The following AKR1B15 variants were observed in gnomAD, a reference collection of about 807,000 sequenced individuals.
The protein encoded by AKR1B15 is estradiol 17-beta-dehydrogenase AKR1B15.
A neutral mutation model predicts 38.5 loss-of-function variants in AKR1B15; 49 were observed. The ratio of observed to expected loss-of-function variants is 1.27; its 90% CI spans 1.01 to 1.62. The LOEUF is 1.62. Among genes scored for constraint, AKR1B15 ranks in the 40% most tolerant of loss-of-function variants. The probability of loss-of-function intolerance (pLI) is 0.00; values close to 1 mark genes in which losing one functional copy is unlikely to be tolerated. For missense variants in AKR1B15, 411 were observed against 381.6 expected, an observed-to-expected ratio of 1.08 and a Z score of -0.64; for synonymous variants, 137 against 135.5, an observed-to-expected ratio of 1.01 and a Z score of -0.08.
At position 134,579,491 on chromosome 7, in the gene AKR1B15, T is replaced by TTCTC. The variant is rs571809496; in HGVS notation, c.993-8_993-5dup. 2 of 1,565,650 alleles carry TTCTC rather than the reference T, an allele frequency of 1.3e-6. No homozygotes were observed. The highest frequency in any genetic ancestry group is 2.8e-5 in the African/African-American group (2 of 71,420). ...GATGGAACACAGTTTCTTTTTTTTTTTCTCTCTCTCTGTAGATTCTCTCAT... is the reference window on the plus strand; with the variant it reads ...GATGGAACACAGTTTCTTTTTTTTTTTCTCTCTCTCTCTCTGTAGATTCTCTCAT... On this transcript the variant is annotated splice_polypyrimidine_tract_variant and intron_variant, in intron 11 of 11. Transcript: ENST00000457545.
At chr7:134,549,587 G>A (rs568447079) in intron 1 of AKR1B15, among the ~76,000 whole-genome samples, 1 of 152,124 alleles carries the variant, frequency 6.6e-6, no homozygotes, top group African/African-American at 2.4e-5. Flanking sequence ...CTGTGGTTCC[G>A]TGGTGACCTC....
chr7:134,573,520 A>ACGAG, intron 6 of AKR1B15: 1 of 985,418 alleles, frequency 1.0e-6, no homozygotes, highest in Non-Finnish European at 1.2e-6. Context: ...CTGATTTGAA[A>ACGAG]CGAGCATGCT....
Position 134,569,393 on chromosome 7 carries a change from C to A in AKR1B15, c.319-20C>A, listed in dbSNP as rs780571080. On this transcript the variant is annotated intron_variant, in intron 4 of 11. Coordinates refer to ENST00000457545, the MANE Select transcript of AKR1B15 (RefSeq NM_001080538.3). Reference sequence around the variant, plus strand: ...CTTCCTTTTCCCAGTATTACTAGCTCATTGCTACACTCTTTGCAGGTGTGG... The same window carrying A: ...CTTCCTTTTCCCAGTATTACTAGCTAATTGCTACACTCTTTGCAGGTGTGG... 3.4e-5 allele frequency: 55 copies of A among 1,613,204 alleles called. No individual in the cohort carries two copies. In the South Asian group the frequency reaches 5.9e-4, roughly 17 times the overall value.
At chr7:134,549,970 G>C (rs761940657) in intron 1 of AKR1B15, among the ~76,000 whole-genome samples, 1 of 152,122 alleles carries the variant, frequency 6.6e-6, no homozygotes, top group Middle Eastern at 3.2e-3. Flanking sequence ...AACAAATTAG[G>C]TGTTGTTATG....
In AKR1B15 at chr7:134,576,369, C is replaced by T; in HGVS notation, c.764C>T (p.Ser255Phe). The change falls in exon 9 of 12, where the codon TCC becomes TTC. Residue 255 changes from serine to phenylalanine, a missense_variant. Transcript: ENST00000457545. ...DRPWAKPEDP[S>F]LLEDPKIKEI... The stretch of plus-strand genomic sequence containing the variant: ...CCTAGGGCCAAACCTGAGGACCCTT[C>T]CCTGCTGGAGGATCCCAAGATTAAG... The T allele has an allele frequency of 1.2e-6, 2 of 1,614,116 alleles. No homozygotes were observed. Among genetic ancestry groups the T allele is most frequent in the Non-Finnish European group, 1.7e-6 (2 of 1,179,990 alleles).
At position 134,550,836 on chromosome 7, in the gene AKR1B15, C is replaced by T. The variant is rs188994987; in HGVS notation, c.-147+1587C>T. On this transcript the variant is annotated intron_variant, in intron 1 of 11. Coordinates refer to ENST00000457545, the MANE Select transcript of AKR1B15 (RefSeq NM_001080538.3). ...AAAAAGGCAAACTCTGGACACTCTG[C>T]GAAGTAGAATGGCCAAAGTTTGGAA... 5.0e-3 allele frequency among the ~76,000 whole-genome samples: 768 copies of T among 152,256 alleles called. 11 individuals are homozygous for T. Among genetic ancestry groups the T allele is most frequent in the African/African-American group, 0.018 (729 of 41,550 alleles).
At chr7:134,573,328 G>A (rs943434797) in intron 6 of AKR1B15, 5 of 977,694 alleles carry the variant, frequency 5.1e-6, no homozygotes, top group Middle Eastern at 5.2e-4. Context: ...ATAGCACCAG[G>A]CTGTTTGCAT....
At chr7:134,558,783 T>A (rs1431979806) in intron 2 of AKR1B15, among the ~76,000 whole-genome samples, 1 of 152,132 alleles carries the variant, frequency 6.6e-6, no homozygotes, top group Non-Finnish European at 1.5e-5. Context: ...CCTCAAAAAT[T>A]ATATACTTGG....
chr7:134,562,834 CTT>C (rs1554402370), intron 2 of AKR1B15, among the ~76,000 whole-genome samples: 408 of 25,402 alleles, frequency 0.016, 4 homozygotes, highest in African/African-American at 0.07. Flanking sequence ...CTTCCTTTCT[CTT>C]TCTTTCTTTC....
At position 134,564,669 on chromosome 7, in the gene AKR1B15, A is replaced by T. The variant is rs867303267; in HGVS notation, c.50A>T (p.Gln17Leu). The T allele has an allele frequency of 2.4e-5, 17 of 699,108 alleles. No individual in the cohort carries two copies. In the African/African-American group the frequency reaches 2.8e-4, roughly 12 times the overall value. The allele number at this position is 699,108 out of a possible 1,614,324, so 43.3% of individuals were successfully genotyped here. Residue 17 changes from glutamine to leucine, a missense_variant, in exon 3 of 12, where the codon CAA becomes CTA. Coordinates refer to ENST00000457545, the MANE Select transcript of AKR1B15 (RefSeq NM_001080538.3). ...GTGAACTCAACTAACAACTTCCACC[A>T]AGGACCCCTGGACCAACCCGTTGGC... ...PQVNSTNNFH[Q>L]GPLDQPVGPL...
chr7:134,568,429 G>C, intron 4 of AKR1B15, 104 bp downstream of exon 4: 3 of 1,478,686 alleles, frequency 2.0e-6, no homozygotes, highest in East Asian at 4.5e-5. Context: ...ACGTGTACCC[G>C]TTTTCATCTC....
intron 1 of AKR1B15, among the ~76,000 whole-genome samples, chr7:134,550,278 T>G (rs966084564): frequency 1.3e-5 from 2 of 152,298 alleles, no homozygotes; most frequent in Non-Finnish European, 2.9e-5. Context: ...GAAATCCAAG[T>G]GGCCCCTTTC....
At chr7:134,570,274 A>T (rs562571081) in intron 5 of AKR1B15, 4 of 152,180 alleles carry the variant, frequency 2.6e-5, no homozygotes, top group Non-Finnish European at 5.9e-5. Flanking sequence ...CTGTCTCCTG[A>T]TAAGACGTTA....
intron 1 of AKR1B15, among the ~76,000 whole-genome samples, chr7:134,556,054 A>G (rs562716758): frequency 1.3e-5 from 2 of 152,326 alleles, no homozygotes; most frequent in South Asian, 4.1e-4. Flanking sequence ...GTATTACAGC[A>G]TGTCATAGGG....
At chr7:134,561,996 T>C (rs1410876277) in intron 2 of AKR1B15, among the ~76,000 whole-genome samples, 1 of 152,212 alleles carries the variant, frequency 6.6e-6, no homozygotes, top group African/African-American at 2.4e-5. Flanking sequence ...CTTTCTCTCT[T>C]TCTTTTACAC....
chr7:134,565,640 G>C (rs765904218), intron 3 of AKR1B15: 1 of 1,554,876 alleles, frequency 6.4e-7, no homozygotes. Flanking sequence ...TGGAGGTCGG[G>C]TAGGGGTTTG....
intron 4 of AKR1B15, among the ~76,000 whole-genome samples, chr7:134,569,156 C>T (rs181508480): frequency 2.2e-4 from 34 of 152,318 alleles, no homozygotes; most frequent in African/African-American, 7.9e-4. Flanking sequence ...TCTGTGGCCA[C>T]ATTTACTTAA....
In AKR1B15 at chr7:134,579,767, C is replaced by T. The variant is rs1357037077; in HGVS notation, c.*218C>T. On this transcript the variant is annotated 3_prime_UTR_variant, in exon 12 of 12. Transcript: ENST00000457545. ...AAGCATGGCCTGAATAAGCAAATGA[C>T]AATTTTTTCCACTTATCTGATCTGA... 5 of 492,850 alleles carry T rather than the reference C, an allele frequency of 1.0e-5. No individual in the cohort carries two copies. Among genetic ancestry groups the T allele is most frequent in the Admixed American group, 8.0e-5 (2 of 25,122 alleles). 30.5% of individuals were successfully genotyped at this position (492,850 alleles called of 1,614,324 possible).
chr7:134,579,417 C>G (rs1035422070), intron 11 of AKR1B15, 90 bp from the exon 12 acceptor site: 1 of 1,160,492 alleles, frequency 8.6e-7, no homozygotes, highest in African/African-American at 1.6e-5. Flanking sequence ...CCACAAATAC[C>G]ACAGAGTCCA....
Sources: gnomAD v4.1 joint callset for allele counts (sites outside exome capture counted in the v4.1 genomes callset) on GRCh38, gnomAD v4.1.1 for gene constraint, MANE v1.5 for transcripts, NCBI Gene and HGNC (gene_info 2026-07-23, HGNC 2026-07-21) for gene names.